The following ASTN2 variants were observed in gnomAD, a reference collection of about 807,000 sequenced individuals.
ASTN2 encodes astrotactin-2.
ASTN2 carries 54 observed loss-of-function variants against 139.8 expected under a neutral mutation model. That is an observed-to-expected ratio of 0.39 (90% confidence interval 0.31 to 0.48). The LOEUF is 0.48. Ranked by LOEUF, ASTN2 falls within the 20% of genes least tolerant of loss-of-function variation. ASTN2 has a pLI of 0.95. For synonymous variants in ASTN2, 756 were observed against 719.5 expected, an observed-to-expected ratio of 1.05 and a Z score of -0.81; for missense variants, 1,565 against 1,725.1, an observed-to-expected ratio of 0.91 and a Z score of 1.64.
chr9:116,722,005 T>C (rs73515280), intron 16 of ASTN2, among the ~76,000 whole-genome samples: 3,094 of 152,320 alleles, frequency 0.02, 114 homozygotes, highest in African/African-American at 0.071. Flanking sequence ...CACAGTGTTC[T>C]AGACAAGCCA....
intron 13 of ASTN2, among the ~76,000 whole-genome samples, chr9:116,790,017 C>G (rs947973504): frequency 1.9e-4 from 29 of 151,076 alleles, no homozygotes; most frequent in Admixed American, 9.9e-4. Context: ...CATCTGCCTC[C>G]CTGGTTCAAG....
In ASTN2 at chr9:117,015,630, G is replaced by T. The variant is rs576478435; in HGVS notation, c.1424-7371C>A. Among the ~76,000 whole-genome samples the T allele has an allele frequency of 3.9e-5, 6 of 152,242 alleles. No homozygotes were observed. In the South Asian group the frequency reaches 1.0e-3, roughly 26 times the overall value. On this transcript the variant is annotated intron_variant, in intron 6 of 22. Transcript: ENST00000313400. ...TCCAACATCACTGGATGGACAGAGG[G>T]ATTATTATAATACCCATAAAGTGTG... is the stretch of plus-strand genomic sequence containing the variant.
At chr9:116,966,951 T>C (rs964670110) in intron 10 of ASTN2, among the ~76,000 whole-genome samples, 2 of 152,212 alleles carry the variant, frequency 1.3e-5, no homozygotes, top group East Asian at 3.9e-4. Context: ...CAACATTTAC[T>C]GAGCACTCAC....
chr9:116,695,921 G>C (rs1221063715), intron 16 of ASTN2, among the ~76,000 whole-genome samples: 1 of 152,158 alleles, frequency 6.6e-6, no homozygotes, highest in Non-Finnish European at 1.5e-5. Flanking sequence ...CTAGGCTTGA[G>C]TCTTTGGCTA....
intron 5 of ASTN2, among the ~76,000 whole-genome samples, chr9:117,042,231 A>G (rs1247981821): frequency 3.3e-5 from 5 of 152,160 alleles, no homozygotes; most frequent in African/African-American, 9.7e-5. Context: ...CAGAACAAGA[A>G]CCGTTACAAC....
chr9:116,468,463 T>A (rs1461020698), intron 20 of ASTN2, among the ~76,000 whole-genome samples: 3 of 152,204 alleles, frequency 2.0e-5, no homozygotes, highest in Non-Finnish European at 4.4e-5. Context: ...TCAGGAAGGA[T>A]GCTCATGTAC....
At chr9:116,558,618 G>A (rs1852751512) in intron 19 of ASTN2, among the ~76,000 whole-genome samples, 1 of 152,118 alleles carries the variant, frequency 6.6e-6, no homozygotes, top group African/African-American at 2.4e-5. Flanking sequence ...GGAATTTTAG[G>A]TCCGGAAAAG....
At chr9:117,090,877 T>A (rs956531148) in intron 5 of ASTN2, among the ~76,000 whole-genome samples, 1 of 152,206 alleles carries the variant, frequency 6.6e-6, no homozygotes, top group Non-Finnish European at 1.5e-5. Flanking sequence ...AGATTTCCTC[T>A]CTCCTTCTCC....
intron 16 of ASTN2, among the ~76,000 whole-genome samples, chr9:116,660,102 C>G (rs1176861672): frequency 6.6e-6 from 1 of 151,312 alleles, no homozygotes; most frequent in East Asian, 2.0e-4. Context: ...TGGGTGGCTT[C>G]TGAGAAGGTA....
At chr9:117,290,874 G>A (rs114406207) in intron 2 of ASTN2, among the ~76,000 whole-genome samples, 3 of 152,366 alleles carry the variant, frequency 2.0e-5, no homozygotes, top group African/African-American at 7.2e-5. Context: ...CCACCATGCA[G>A]TTGTTGCAAG....
At chr9:117,301,899 T>A (rs1195211545) in intron 1 of ASTN2, among the ~76,000 whole-genome samples, 2 of 152,134 alleles carry the variant, frequency 1.3e-5, no homozygotes, top group Non-Finnish European at 2.9e-5. Context: ...TGGCCTCACA[T>A]GAAAGAATGG....
intron 7 of ASTN2, among the ~76,000 whole-genome samples, chr9:116,977,968 C>T (rs1836399798): frequency 6.6e-6 from 1 of 152,156 alleles, no homozygotes; most frequent in Non-Finnish European, 1.5e-5. Flanking sequence ...CTGCCCACCT[C>T]AGCCTCCCAA....
rs1831062916 is a variant in ASTN2, at chr9:116,807,678, A to T, written c.2208-1858T>A. 4.6e-5 allele frequency among the ~76,000 whole-genome samples: 7 copies of T among 152,316 alleles called. No individual in the cohort carries two copies. The South Asian group carries it at 1.4e-3, about 32-fold the overall frequency. The stretch of plus-strand genomic sequence containing the variant: ...TCATAAAGTCTAGTTCCATCCATTT[A>T]TTGAGAAAATATGGAGAAATGGTTT... On this transcript the variant is annotated intron_variant, in intron 12 of 22. Transcript: ENST00000313400.
chr9:117,214,242 C>T (rs983988994), intron 3 of ASTN2, 116 bp downstream of exon 3: 13 of 1,290,914 alleles, frequency 1.0e-5, no homozygotes, highest in Non-Finnish European at 1.2e-5. Context: ...GCCATAAATC[C>T]AAAGTGGCTT....
chr9:117,337,030 G>C (rs969754803), intron 1 of ASTN2, among the ~76,000 whole-genome samples: 1 of 152,088 alleles, frequency 6.6e-6, no homozygotes, highest in African/African-American at 2.4e-5. Context: ...TCTGGAAAGA[G>C]GAGCAATATA....
At chr9:117,311,136 G>A (rs1182724644) in intron 1 of ASTN2, among the ~76,000 whole-genome samples, 1 of 151,564 alleles carries the variant, frequency 6.6e-6, no homozygotes, top group African/African-American at 2.4e-5. Flanking sequence ...ATTTAAGACA[G>A]GGCTGCTCCA....
intron 3 of ASTN2, among the ~76,000 whole-genome samples, chr9:117,177,588 G>A (rs948496932): frequency 2.6e-5 from 4 of 151,952 alleles, no homozygotes; most frequent in Admixed American, 6.6e-5. Context: ...CTCAAACATG[G>A]GCCCCACATT....
chr9:116,627,565 A>G (rs1454322531), intron 17 of ASTN2, among the ~76,000 whole-genome samples: 2 of 152,214 alleles, frequency 1.3e-5, no homozygotes, highest in East Asian at 1.9e-4. Flanking sequence ...AATATACATT[A>G]TATCATTTAA....
Position 116,651,272 on chromosome 9 carries a change from C to CACAA in ASTN2, c.3072+252_3072+255dup, listed in dbSNP as rs964135809. 1.7e-4 allele frequency among the ~76,000 whole-genome samples: 26 copies of CACAA among 152,206 alleles called. No individual in the cohort carries two copies. The East Asian group carries it at 1.9e-3, about 11-fold the overall frequency. ...TCAAAAACATCTATTTGGGATGTTG[C>CACAA]ACAAACAAACAAACAAACAAAAACC... On this transcript the variant is annotated intron_variant, in intron 17 of 22. Transcript: ENST00000313400.
Sources: allele counts gnomAD v4.1 joint callset (sites outside exome capture counted in the v4.1 genomes callset), GRCh38; gene constraint gnomAD v4.1.1; transcripts MANE v1.5; gene names NCBI Gene and HGNC (gene_info 2026-07-23, HGNC 2026-07-21).